The following PLCB1 variants were observed in gnomAD, a reference collection of about 807,000 sequenced individuals.
PLCB1 encodes phospholipase C beta 1.
A neutral mutation model predicts 161.8 loss-of-function variants in PLCB1; 46 were observed. The observed-to-expected ratio is 0.28, with a 90% confidence interval of 0.22 to 0.36. The LOEUF (loss-of-function observed/expected upper bound fraction) is 0.36, where lower values mean the gene tolerates loss of function less well. Among genes scored for constraint, PLCB1 ranks in the 10% least tolerant of loss-of-function variants. The pLI is 1.00. For missense variants in PLCB1, 1,016 were observed against 1,472.5 expected, an observed-to-expected ratio of 0.69 and a Z score of 5.07; for synonymous variants, 517 against 503.7, an observed-to-expected ratio of 1.03 and a Z score of -0.35.
At chr20:8,140,000 G>A (rs1354604697) in intron 1 of PLCB1, among the ~76,000 whole-genome samples, 1 of 152,166 alleles carries the variant, frequency 6.6e-6, no homozygotes, top group African/African-American at 2.4e-5. Context: ...CTACAGATAC[G>A]TGAGAAGCTA....
At chr20:8,340,835 G>A (rs370391146) in intron 2 of PLCB1, among the ~76,000 whole-genome samples, 3 of 152,284 alleles carry the variant, frequency 2.0e-5, no homozygotes, top group South Asian at 4.1e-4. Flanking sequence ...TGATCTCATG[G>A]AGTCTAGGGT....
chr20:8,257,559 T>C (rs1338603870), intron 2 of PLCB1, among the ~76,000 whole-genome samples: 1 of 152,194 alleles, frequency 6.6e-6, no homozygotes, highest in Non-Finnish European at 1.5e-5. Flanking sequence ...ACCTGTGTGT[T>C]CTACATTATT....
intron 2 of PLCB1, among the ~76,000 whole-genome samples, chr20:8,346,279 A>G (rs1985998694): frequency 6.6e-6 from 1 of 152,138 alleles, no homozygotes; most frequent in Non-Finnish European, 1.5e-5. Context: ...AATCCTTTGT[A>G]TTTACTCATG....
At chr20:8,600,229 T>C (rs1987501950) in intron 3 of PLCB1, among the ~76,000 whole-genome samples, 1 of 127,386 alleles carries the variant, frequency 7.9e-6, no homozygotes, top group South Asian at 2.6e-4. Context: ...ATCTTTGTGG[T>C]TTTATCTACT....
chr20:8,645,049 G>T lies in PLCB1; in HGVS notation c.385-1053G>T, dbSNP rs1399546869. On this transcript the variant is annotated intron_variant, in intron 4 of 31. Transcript: ENST00000338037. ...CCCTGTGCTCTCTGAAACATGTGCT[G>T]TGTCCACTCAGGGTTAAATGGATTA... Among the ~76,000 whole-genome samples, 4 of 152,148 alleles carry T rather than the reference G, an allele frequency of 2.6e-5. No homozygotes were observed. The East Asian group carries it at 7.7e-4, about 29-fold the overall frequency.
chr20:8,700,179 A>G (rs1020366873), intron 11 of PLCB1, among the ~76,000 whole-genome samples: 4 of 152,188 alleles, frequency 2.6e-5, no homozygotes, highest in African/African-American at 9.7e-5. Context: ...GCCCTGATGG[A>G]GCTGAGAGCT....
chr20:8,575,723 C>A (rs1048305448), intron 3 of PLCB1, among the ~76,000 whole-genome samples: 1 of 152,180 alleles, frequency 6.6e-6, no homozygotes, highest in African/African-American at 2.4e-5. Context: ...TCAACTTCAG[C>A]GTGAAATCAT....
intron 9 of PLCB1, among the ~76,000 whole-genome samples, chr20:8,670,599 TTAAGA>T (rs146875175): frequency 0.029 from 4,426 of 152,282 alleles, 85 homozygotes; most frequent in Non-Finnish European, 0.045. Context: ...ACTTTTCAAC[TTAAGA>T]TAAAATAATA....
At chr20:8,258,670 A>G (rs1600268213) in intron 2 of PLCB1, among the ~76,000 whole-genome samples, 1 of 152,204 alleles carries the variant, frequency 6.6e-6, no homozygotes, top group African/African-American at 2.4e-5. Context: ...TGGGATTCTA[A>G]TACTTATTTA....
Position 8,273,355 on chromosome 20 carries a change from G to A in PLCB1, c.178-98027G>A, listed in dbSNP as rs138250125. On this transcript the variant is annotated intron_variant, in intron 2 of 31. Transcript: ENST00000338037. ...TGATGGACTTAAGTCTAAAGGTCTC[G>A]AAGTTGAAATTGGAAAAATTGAGTT... Among the ~76,000 whole-genome samples, 75 of 152,186 alleles carry A rather than the reference G, an allele frequency of 4.9e-4. No homozygotes were observed. The Middle Eastern group carries it at 0.014, about 28-fold the overall frequency.
intron 2 of PLCB1, among the ~76,000 whole-genome samples, chr20:8,193,034 C>A (rs569273734): frequency 3.0e-4 from 46 of 152,044 alleles, no homozygotes; most frequent in African/African-American, 9.6e-4. Context: ...AAGTCCAGCC[C>A]AGGAATTTCT....
At chr20:8,752,685 C>T (rs965569313) in intron 23 of PLCB1, among the ~76,000 whole-genome samples, 11 of 151,276 alleles carry the variant, frequency 7.3e-5, no homozygotes, top group African/African-American at 2.2e-4. Flanking sequence ...TCCAGCTACT[C>T]GGGAGGCTGA....
chr20:8,271,520 C>T (rs1600277598), intron 2 of PLCB1, among the ~76,000 whole-genome samples: 1 of 151,976 alleles, frequency 6.6e-6, no homozygotes. Context: ...CTTATTTGTT[C>T]CTCTCATTGT....
rs1170928882 is a variant in PLCB1 at position 8,646,266 on chromosome 20, A to T, written c.464+85A>T. 1.1e-5 allele frequency: 10 copies of T among 896,112 alleles called. No individual in the cohort carries two copies. In the South Asian group the frequency reaches 1.4e-4, roughly 12 times the overall value. 55.5% of individuals were successfully genotyped at this position (896,112 alleles called of 1,614,324 possible). ...CCTTTGTGAGTCTTCCGTTTATGCC[A>T]TACTGACTTCTCACATTGATAAACA... On this transcript the variant is annotated intron_variant, in intron 5 of 31. Coordinates refer to ENST00000338037, the MANE Select transcript of PLCB1 (RefSeq NM_015192.4).
intron 31 of PLCB1, among the ~76,000 whole-genome samples, chr20:8,849,918 C>T (rs919301534): frequency 1.3e-5 from 2 of 151,872 alleles, no homozygotes; most frequent in Admixed American, 6.6e-5. Flanking sequence ...GAGGCTGAGG[C>T]AGGAGAATTG....
At chr20:8,652,898 G>C (rs1470015822) in intron 7 of PLCB1, 1 of 152,072 alleles carries the variant, frequency 6.6e-6, no homozygotes, top group Non-Finnish European at 1.5e-5. Flanking sequence ...TATCCAAAGA[G>C]AGAGACAAAG....
chr20:8,617,053 A>T (rs1415608604), intron 3 of PLCB1, among the ~76,000 whole-genome samples: 1 of 152,142 alleles, frequency 6.6e-6, no homozygotes, highest in Non-Finnish European at 1.5e-5. Context: ...GATGGGAGCT[A>T]AAAATTGATG....
At chr20:8,532,946 C>T (rs920871120) in intron 3 of PLCB1, among the ~76,000 whole-genome samples, 10 of 151,830 alleles carry the variant, frequency 6.6e-5, no homozygotes, top group African/African-American at 1.7e-4. Flanking sequence ...ATGTGCCATG[C>T]TGGTGTGCTG....
chr20:8,592,834 A>G (rs1179499025), intron 3 of PLCB1, among the ~76,000 whole-genome samples: 4 of 152,100 alleles, frequency 2.6e-5, no homozygotes, highest in African/African-American at 9.7e-5. Flanking sequence ...TGCCCACCAT[A>G]TATTATCTGA....
Sources: allele counts gnomAD v4.1 joint callset (sites outside exome capture counted in the v4.1 genomes callset), GRCh38; gene constraint gnomAD v4.1.1; transcripts MANE v1.5; gene names NCBI Gene and HGNC (gene_info 2026-07-23, HGNC 2026-07-21).